Variants in IQSEC1 observed in about 807,000 individuals in gnomAD.
IQSEC1 encodes the protein IQ motif and SEC7 domain-containing protein 1.
A neutral mutation model predicts 91.0 loss-of-function variants in IQSEC1; 31 were observed. The observed-to-expected ratio is 0.34, with a 90% CI of 0.26 to 0.46. IQSEC1 has a LOEUF of 0.46. IQSEC1 is among the 20% of genes least tolerant of loss of function. IQSEC1 has a pLI of 1.00. For synonymous variants in IQSEC1, 699 were observed against 662.6 expected (o/e 1.05, Z -0.84); for missense variants, 1,388 against 1,575.6 (o/e 0.88, Z 2.02).
rs573419680 is a variant in IQSEC1 at position 12,990,698 on chromosome 3, C to G, written c.24-48833G>C. On this transcript the variant is annotated intron_variant, in intron 1 of 13. Transcript: ENST00000613206. ...GTGTCTGGGTACACAGACTGGTAAA[C>G]TGCTGGGGCTCTGGGGCAACCGAGC... 6.2e-4 allele frequency among the ~76,000 whole-genome samples: 95 copies of G among 152,294 alleles called. 1 individual carries two copies. The highest frequency in any genetic ancestry group is 1.6e-3 in the Admixed American group (25 of 15,298).
At chr3:13,027,929 T>C (rs146382496) in intron 1 of IQSEC1, among the ~76,000 whole-genome samples, 89 of 152,342 alleles carry the variant, frequency 5.8e-4, no homozygotes, top group Middle Eastern at 3.4e-3. Flanking sequence ...TGTAGGTTAA[T>C]CCTATGCAAG....
At chr3:13,278,361 A>AC (rs1463151570) in intron 1 of IQSEC1, among the ~76,000 whole-genome samples, 1 of 151,940 alleles carries the variant, frequency 6.6e-6, no homozygotes, top group African/African-American at 2.4e-5. Context: ...CTACACTGCC[A>AC]CCCCACGTGA....
At chr3:13,099,196 C>T (rs1286297525) in intron 2 of IQSEC1, among the ~76,000 whole-genome samples, 1 of 152,114 alleles carries the variant, frequency 6.6e-6, no homozygotes, top group East Asian at 1.9e-4. Flanking sequence ...GGCCATAGCC[C>T]CTGGAGAGGG....
At chr3:12,921,092 C>T (rs935473822) in intron 5 of IQSEC1, among the ~76,000 whole-genome samples, 1 of 152,100 alleles carries the variant, frequency 6.6e-6, no homozygotes, top group East Asian at 1.9e-4. Context: ...AGCTGTGGAC[C>T]GACTGCTGCA....
intron 1 of IQSEC1, among the ~76,000 whole-genome samples, chr3:13,011,065 T>G (rs961622347): frequency 6.6e-6 from 1 of 151,336 alleles, no homozygotes; most frequent in African/African-American, 2.4e-5. Flanking sequence ...CAGAGTGAAA[T>G]TCACTTTTTT....
At chr3:13,048,472 C>G (rs111287925) in intron 1 of IQSEC1, among the ~76,000 whole-genome samples, 15 of 152,342 alleles carry the variant, frequency 9.8e-5, no homozygotes, top group African/African-American at 3.6e-4. Context: ...CACCCCCCAT[C>G]GCTGCCTCAC....
At position 12,899,091 on chromosome 3, in the gene IQSEC1, T is replaced by G. The variant is rs1575820555; in HGVS notation, c.*1892A>C. 4.2e-6 allele frequency: 2 copies of G among 470,766 alleles called. No homozygotes were observed. Among genetic ancestry groups the G allele is most frequent in the Non-Finnish European group, 7.7e-6 (2 of 259,792 alleles). 29.2% of individuals were successfully genotyped at this position (470,766 alleles called of 1,614,324 possible). On this transcript the variant is annotated 3_prime_UTR_variant, in exon 14 of 14. Transcript: ENST00000613206. ...AAACTCTAGATTGCTGTATTTGCTCTCTCTGGAGATTAACAAAGTGCTTGG... is the reference window on the plus strand; with the variant it reads ...AAACTCTAGATTGCTGTATTTGCTCGCTCTGGAGATTAACAAAGTGCTTGG...
rs545364341 is a variant in IQSEC1, at chr3:13,164,688, C to T, written c.273-555G>A. On this transcript the variant is annotated intron_variant, in intron 1 of 15. Transcript: ENST00000648114. ...GAAATTGGACAATCAGATTGTATTGCGCACTTGAACTTTCACGAAGACTGT... is the reference window on the plus strand; with the variant it reads ...GAAATTGGACAATCAGATTGTATTGTGCACTTGAACTTTCACGAAGACTGT... Among the ~76,000 whole-genome samples, 7 of 152,244 alleles carry T rather than the reference C, an allele frequency of 4.6e-5. No individual in the cohort carries two copies. In the East Asian group the frequency reaches 9.7e-4, roughly 21 times the overall value.
At chr3:13,281,738 G>C (rs1408038765) in intron 1 of IQSEC1, among the ~76,000 whole-genome samples, 1 of 152,222 alleles carries the variant, frequency 6.6e-6, no homozygotes, top group Non-Finnish European at 1.5e-5. Context: ...CCGCCCAGCA[G>C]GAAGACTGTC....
intron 1 of IQSEC1, among the ~76,000 whole-genome samples, chr3:13,226,604 A>AG (rs1491451678): frequency 3.5e-5 from 5 of 141,936 alleles, no homozygotes; most frequent in Non-Finnish European, 7.8e-5. Context: ...AAAAAAAAAA[A>AG]TGGTTAAAAA....
At chr3:12,991,832 C>T (rs558835170) in intron 1 of IQSEC1, among the ~76,000 whole-genome samples, 4 of 152,266 alleles carry the variant, frequency 2.6e-5, no homozygotes, top group Non-Finnish European at 5.9e-5. Context: ...GGGAAGGGAG[C>T]ATGACTAAAA....
At chr3:13,260,874 G>A (rs1462098509) in intron 1 of IQSEC1, among the ~76,000 whole-genome samples, 4 of 152,208 alleles carry the variant, frequency 2.6e-5, no homozygotes, top group Non-Finnish European at 5.9e-5. Context: ...TCTGTGCTGA[G>A]CAGGACACAT....
chr3:12,904,956 G>T (rs186388496), intron 12 of IQSEC1, among the ~76,000 whole-genome samples: 91 of 152,276 alleles, frequency 6.0e-4, no homozygotes, highest in Admixed American at 2.9e-3. Context: ...TTGGAGTGAC[G>T]CTGAGTGTCT....
At chr3:12,948,278 A>G (rs1055927954) in intron 1 of IQSEC1, among the ~76,000 whole-genome samples, 1 of 152,236 alleles carries the variant, frequency 6.6e-6, no homozygotes, top group Non-Finnish European at 1.5e-5. Flanking sequence ...CAGCAGCTGG[A>G]GGCAGGAAGG....
intron 2 of IQSEC1, among the ~76,000 whole-genome samples, chr3:12,939,099 A>G (rs1698508757): frequency 6.6e-6 from 1 of 152,126 alleles, no homozygotes; most frequent in African/African-American, 2.4e-5. Flanking sequence ...ATGCCACCTC[A>G]CAGCAGCTTC....
intron 2 of IQSEC1, among the ~76,000 whole-genome samples, chr3:13,158,690 C>T (rs1707121358): frequency 6.6e-6 from 1 of 152,112 alleles, no homozygotes; most frequent in Non-Finnish European, 1.5e-5. Flanking sequence ...CTTCTAAGGT[C>T]AGGGCTGGGC....
intron 1 of IQSEC1, among the ~76,000 whole-genome samples, chr3:13,040,483 G>T (rs1704219383): frequency 6.6e-6 from 1 of 152,196 alleles, no homozygotes; most frequent in Non-Finnish European, 1.5e-5. Flanking sequence ...CAGGGGAGGG[G>T]ACAAAGAGCG....
chr3:13,229,829 T>C (rs1243842652), intron 1 of IQSEC1, among the ~76,000 whole-genome samples: 1 of 152,230 alleles, frequency 6.6e-6, no homozygotes, highest in Non-Finnish European at 1.5e-5. Flanking sequence ...CACCACTTCC[T>C]AGCTGTGTGA....
chr3:13,090,574 G>A (rs1434814041), intron 2 of IQSEC1, among the ~76,000 whole-genome samples: 1 of 152,204 alleles, frequency 6.6e-6, no homozygotes, highest in Non-Finnish European at 1.5e-5. Context: ...GAGTCTGTGG[G>A]GTGATTGGTG....
Sources: allele counts gnomAD v4.1 joint callset (sites outside exome capture counted in the v4.1 genomes callset), GRCh38; gene constraint gnomAD v4.1.1; transcripts MANE v1.5; gene names NCBI Gene and HGNC (gene_info 2026-07-23, HGNC 2026-07-21).